RNPS1: variants seen among roughly 807,000 people sequenced by gnomAD.
RNPS1 encodes the protein RNA-binding protein with serine-rich domain 1.
For synonymous variants in RNPS1, 147 were observed against 150.0 expected, an observed-to-expected ratio of 0.98 and a Z score of 0.15; for missense variants, 300 against 427.6, an observed-to-expected ratio of 0.70 and a Z score of 2.63.
At chr16:2,255,994 G>A (rs1218412224) in intron 6 of RNPS1, 6 of 416,542 alleles carry the variant, frequency 1.4e-5, no homozygotes, top group African/African-American at 8.4e-5. Context: ...GCGAGGTGGC[G>A]GGCGCCTATA....
chr16:2,263,833 C>G, intron 3 of RNPS1: 1 of 282,228 alleles, frequency 3.5e-6, no homozygotes, highest in South Asian at 4.0e-5. Context: ...TGCCTCAGCC[C>G]TCCCAAGTAG....
chr16:2,254,247 T>C (rs1176046229), intron 7 of RNPS1, among the ~76,000 whole-genome samples, 184 bp from the exon 8 acceptor site: 18 of 152,362 alleles, frequency 1.2e-4, no homozygotes, highest in Admixed American at 9.8e-4. Flanking sequence ...GCGATTCTCC[T>C]GCCTCAGCCT....
At chr16:2,256,108 A>G (rs1291432806) in intron 6 of RNPS1, 2 of 197,378 alleles carry the variant, frequency 1.0e-5, no homozygotes, top group Admixed American at 1.1e-4. Flanking sequence ...CTGGGTAACA[A>G]GAGCGAAACT....
rs1222820250 is a variant in RNPS1, at chr16:2,264,172, C to T, written c.227+4G>A. On this transcript the variant is annotated splice_donor_region_variant and intron_variant, in intron 3 of 7. Transcript: ENST00000320225. ...TCTCCAGGCTCCAGGCCAGCCCGCCCCACCTGGTACTGCTGCTACCACTGG... is the reference window on the plus strand; with the variant it reads ...TCTCCAGGCTCCAGGCCAGCCCGCCTCACCTGGTACTGCTGCTACCACTGG... 3.7e-6 allele frequency: 6 copies of T among 1,612,620 alleles called. No individual in the cohort carries two copies. The Admixed American group carries it at 1.0e-4, about 27-fold the overall frequency.
At position 2,268,080 on chromosome 16, in the gene RNPS1, C is replaced by G. The variant is rs1391363936; in HGVS notation, c.-143G>C. 1.3e-6 allele frequency: 2 copies of G among 1,535,372 alleles called. No homozygotes were observed. The highest frequency in any genetic ancestry group is 2.7e-5 in the African/African-American group (2 of 73,042). ...ATCTTCCCGCCGCCGCCACCTCCTC[C>G]TGCTTTCCTCAGCCGCCGAGGCCGG... On this transcript the variant is annotated 5_prime_UTR_variant, in exon 1 of 8. Coordinates refer to ENST00000320225, the MANE Select transcript of RNPS1 (RefSeq NM_080594.4).
chr16:2,261,906 A>C (rs556620650), intron 6 of RNPS1, among the ~76,000 whole-genome samples: 2 of 152,392 alleles, frequency 1.3e-5, no homozygotes, highest in South Asian at 4.1e-4. Flanking sequence ...TTAATAGATT[A>C]AAAGTCAGTA....
At chr16:2,266,375 T>G in intron 1 of RNPS1, 34 of 985,460 alleles carry the variant, frequency 3.5e-5, no homozygotes, top group South Asian at 4.7e-5. Flanking sequence ...ACACTCTTTG[T>G]GTCCTCGGAC....
At chr16:2,260,564 A>G (rs909971161) in intron 6 of RNPS1, among the ~76,000 whole-genome samples, 1 of 152,160 alleles carries the variant, frequency 6.6e-6, no homozygotes, top group African/African-American at 2.4e-5. Context: ...AGGGAAGTAA[A>G]ACATGCCACT....
rs1382810839 is a variant in RNPS1, at chr16:2,266,109, C to A, written c.-117-1349G>T. On this transcript the variant is annotated intron_variant, in intron 1 of 7. Transcript: ENST00000320225. The stretch of plus-strand genomic sequence containing the variant: ...TGGAGTCTCAGCTACTTCTGTCTCA[C>A]CTTCTCCAAGAGCCAGTTGGTAAGG... 17 of 985,304 alleles carry A rather than the reference C, an allele frequency of 1.7e-5. No individual in the cohort carries two copies. The Admixed American group carries it at 1.0e-3, about 61-fold the overall frequency. 61.0% of individuals were successfully genotyped at this position (985,304 alleles called of 1,614,324 possible).
chr16:2,264,485 G>A (rs2093616939), intron 2 of RNPS1, 88 bp downstream of exon 2: 3 of 1,535,524 alleles, frequency 2.0e-6, no homozygotes. Context: ...ACTGTAGAAT[G>A]CAGAACATTC....
At chr16:2,258,361 T>A (rs933607373) in intron 6 of RNPS1, 3 of 152,230 alleles carry the variant, frequency 2.0e-5, no homozygotes, top group Non-Finnish European at 4.4e-5. Context: ...AGAATAGTGT[T>A]CCTTTAAACT....
At chr16:2,254,349 T>C (rs926257434) in intron 7 of RNPS1, among the ~76,000 whole-genome samples, 2 of 151,840 alleles carry the variant, frequency 1.3e-5, no homozygotes, top group African/African-American at 4.8e-5. Context: ...CTCACTCTGT[T>C]GCCCAGGCTG....
Position 2,264,168 on chromosome 16 carries a change from C to T in RNPS1, c.227+8G>A, listed in dbSNP as rs758132593. 3.1e-5 allele frequency: 50 copies of T among 1,612,386 alleles called. No homozygotes were observed. Among genetic ancestry groups the T allele is most frequent in the Non-Finnish European group, 3.6e-5 (43 of 1,180,016 alleles). On this transcript the variant is annotated splice_region_variant and intron_variant, in intron 3 of 7. Transcript: ENST00000320225. ...GTCCTCTCCAGGCTCCAGGCCAGCC[C>T]GCCCCACCTGGTACTGCTGCTACCA...
chr16:2,267,258 G>A, intron 1 of RNPS1: 3 of 985,334 alleles, frequency 3.0e-6, no homozygotes, highest in Non-Finnish European at 3.6e-6. Context: ...AGAGAGGAGA[G>A]AACAATTAGT....
chr16:2,255,540 G>T, intron 7 of RNPS1, 45 bp downstream of exon 7: 1 of 1,533,496 alleles, frequency 6.5e-7, no homozygotes, highest in Non-Finnish European at 8.7e-7. Flanking sequence ...GCGGTCACAT[G>T]AGGTTTGTGG....
intron 1 of RNPS1, chr16:2,265,787 A>G (rs2093622780): frequency 6.6e-6 from 1 of 152,240 alleles, no homozygotes; most frequent in Non-Finnish European, 1.5e-5. Context: ...CCGGCCCTTA[A>G]GTGGTCTTTA....
chr16:2,262,839 G>A lies in RNPS1; in HGVS notation c.423C>T (p.Ser141=). 6.2e-7 allele frequency: 1 copy of A among 1,613,024 alleles called. No individual in the cohort carries two copies. Among genetic ancestry groups the A allele is most frequent in the South Asian group, 1.1e-5 (1 of 90,946 alleles). The change falls in exon 5 of 8, where the codon TCC becomes TCT. Residue 141 remains serine (S), a synonymous_variant. Coordinates refer to ENST00000320225, the MANE Select transcript of RNPS1 (RefSeq NM_080594.4). Reference sequence around the variant, plus strand: ...CCTTTTCATCTCTTTTAGGTGGTTTGGATCTGATTGAGAAAACAAAACACC... The same window carrying A: ...CCTTTTCATCTCTTTTAGGTGGTTTAGATCTGATTGAGAAAACAAAACACC... ...HDNRRRSRSK[S]KPPKRDEKER... is the part of the protein sequence containing the mutation.
At position 2,263,083 on chromosome 16, in the gene RNPS1, G is replaced by C. The variant is rs181398009; in HGVS notation, c.419+13C>G. The C allele has an allele frequency of 6.2e-7, 1 of 1,610,478 alleles. No homozygotes were observed. Among genetic ancestry groups the C allele is most frequent in the East Asian group, 2.2e-5 (1 of 44,864 alleles). ...AGCTTGTAAACTTTAGCTCCCAGGCGCAGGGCACTCACTTGGAGCGGGAGC... is the reference window on the plus strand; with the variant it reads ...AGCTTGTAAACTTTAGCTCCCAGGCCCAGGGCACTCACTTGGAGCGGGAGC... On this transcript the variant is annotated intron_variant, in intron 4 of 7. Transcript: ENST00000320225.
Position 2,264,748 on chromosome 16 carries a change from G to A in RNPS1, c.-105C>T, listed in dbSNP as rs1035186245. 1.6e-5 allele frequency: 25 copies of A among 1,564,174 alleles called. No homozygotes were observed. Among genetic ancestry groups the A allele is most frequent in the South Asian group, 3.5e-5 (3 of 86,054 alleles). On this transcript the variant is annotated 5_prime_UTR_variant, in exon 2 of 8. Transcript: ENST00000320225. ...CGATCCCTAATCGATTGCAATTTAC[G>A]CCAAAGAGCAGCCTAATAACAAGAT...
Sources: allele counts gnomAD v4.1 joint callset (sites outside exome capture counted in the v4.1 genomes callset), GRCh38; gene constraint gnomAD v4.1.1; transcripts MANE v1.5; gene names NCBI Gene and HGNC (gene_info 2026-07-23, HGNC 2026-07-21).